Variants in TNKS observed in about 807,000 individuals in gnomAD.
TNKS encodes the protein tankyrase.
TNKS carries 72 observed loss-of-function variants against 135.8 expected under a neutral mutation model. That is an observed-to-expected ratio of 0.53 (90% confidence interval 0.44 to 0.64). The LOEUF (loss-of-function observed/expected upper bound fraction) is 0.64, where lower values mean the gene tolerates loss of function less well. Among genes scored for constraint, TNKS ranks in the 30% least tolerant of loss-of-function variants. The pLI is 0.00. For missense variants in TNKS, 1,769 were observed against 1,674.0 expected (o/e 1.06, Z -0.99); for synonymous variants, 849 against 649.3 (o/e 1.31, Z -4.68).
At chr8:9,623,721 G>C (rs949331776) in intron 3 of TNKS, among the ~76,000 whole-genome samples, 7 of 152,090 alleles carry the variant, frequency 4.6e-5, no homozygotes, top group African/African-American at 1.7e-4. Context: ...AACTTTCTGG[G>C]CTGGGTGCTG....
intron 3 of TNKS, among the ~76,000 whole-genome samples, chr8:9,667,509 A>T (rs1283257861): frequency 6.6e-6 from 1 of 152,232 alleles, no homozygotes; most frequent in African/African-American, 2.4e-5. Flanking sequence ...TAACCATATC[A>T]TCCTGAGGAA....
intron 15 of TNKS, among the ~76,000 whole-genome samples, chr8:9,733,827 C>G (rs1215159711): frequency 6.6e-6 from 1 of 151,990 alleles, no homozygotes; most frequent in African/African-American, 2.4e-5. Context: ...AACTCATTCA[C>G]TAGTAAACAT....
At position 9,776,985 on chromosome 8, in the gene TNKS, C is replaced by A. The variant is rs531468243; in HGVS notation, c.*249C>A. On this transcript the variant is annotated 3_prime_UTR_variant, in exon 27 of 27. Transcript: ENST00000310430. ...ACATATCTCAGGCTCATTTTCATTG[C>A]AATTATCCATTTCTAAAACAAGATT... 4.6e-5 allele frequency: 21 copies of A among 455,946 alleles called. No homozygotes were observed. Among genetic ancestry groups the A allele is most frequent in the Non-Finnish European group, 7.1e-5 (18 of 255,112 alleles). 28.2% of individuals were successfully genotyped at this position (455,946 alleles called of 1,614,324 possible).
chr8:9,758,146 T>A (rs534997483), intron 20 of TNKS, among the ~76,000 whole-genome samples: 1 of 152,350 alleles, frequency 6.6e-6, no homozygotes, highest in East Asian at 1.9e-4. Flanking sequence ...TATCTGTCAT[T>A]GTAAGGATTA....
In TNKS at chr8:9,580,402, T is replaced by TA; in HGVS notation, c.898+20dup. ...TGCATTGGTAAGTATCATTTGATGA[T>TA]ATCTAAATTTTAAATAAAGGTTTAT... On this transcript the variant is annotated intron_variant, in intron 2 of 26. Transcript: ENST00000310430. The TA allele has an allele frequency of 2.5e-6, 4 of 1,601,438 alleles. No homozygotes were observed. Among genetic ancestry groups the TA allele is most frequent in the Non-Finnish European group, 2.6e-6 (3 of 1,170,524 alleles).
intron 1 of TNKS, chr8:9,575,318 C>G (rs573570664): frequency 1.3e-5 from 11 of 837,056 alleles, no homozygotes; most frequent in Non-Finnish European, 1.6e-5. Flanking sequence ...ATTTCCTGAC[C>G]TCGTGATCCG....
intron 1 of TNKS, among the ~76,000 whole-genome samples, chr8:9,560,226 T>A (rs563724544): frequency 6.6e-6 from 1 of 152,222 alleles, no homozygotes; most frequent in South Asian, 2.1e-4. Context: ...TGAGGTCTTT[T>A]TTTTATTAAG....
intron 2 of TNKS, 104 bp downstream of exon 2, chr8:9,580,487 G>A: frequency 1.0e-6 from 1 of 998,034 alleles, no homozygotes; most frequent in Non-Finnish European, 1.4e-6. Flanking sequence ...AGGGTTTATT[G>A]CTTCTTGTAG....
intron 3 of TNKS, among the ~76,000 whole-genome samples, chr8:9,666,419 G>A (rs1007285207): frequency 2.0e-5 from 3 of 152,114 alleles, no homozygotes; most frequent in Non-Finnish European, 4.4e-5. Context: ...AATAAATTAC[G>A]TATTAAAAAG....
intron 2 of TNKS, among the ~76,000 whole-genome samples, chr8:9,604,551 A>C (rs1799147109): frequency 6.6e-6 from 1 of 151,922 alleles, no homozygotes; most frequent in Non-Finnish European, 1.5e-5. Flanking sequence ...AGTGTAGTTT[A>C]TGTACTATTA....
At chr8:9,729,762 TATG>T in intron 13 of TNKS, among the ~76,000 whole-genome samples, 1 of 141,874 alleles carries the variant, frequency 7.0e-6, no homozygotes, top group East Asian at 2.1e-4. Context: ...ACTGAAAGAA[TATG>T]ATATTCTTTT....
chr8:9,615,403 T>G (rs1316259149), intron 2 of TNKS, 179 bp from the exon 3 acceptor site: 3 of 464,082 alleles, frequency 6.5e-6, no homozygotes, highest in Non-Finnish European at 1.1e-5. Flanking sequence ...GCCAACTTCA[T>G]TTCACTCTAG....
At chr8:9,625,867 T>A (rs1800035828) in intron 3 of TNKS, among the ~76,000 whole-genome samples, 1 of 152,180 alleles carries the variant, frequency 6.6e-6, no homozygotes, top group Non-Finnish European at 1.5e-5. Context: ...GTGAAGAGAA[T>A]GTATTTTCTG....
intron 2 of TNKS, among the ~76,000 whole-genome samples, chr8:9,608,402 G>A (rs1799316773): frequency 6.6e-6 from 1 of 152,088 alleles, no homozygotes; most frequent in African/African-American, 2.4e-5. Flanking sequence ...TAACGTTGAT[G>A]CTAAGGTGCG....
chr8:9,574,736 C>A (rs1320607993), intron 1 of TNKS, among the ~76,000 whole-genome samples: 2 of 152,138 alleles, frequency 1.3e-5, no homozygotes, highest in African/African-American at 4.8e-5. Context: ...CTATGAAAGA[C>A]TTGATTTTTT....
At chr8:9,697,176 G>C (rs1803556831) in intron 5 of TNKS, among the ~76,000 whole-genome samples, 1 of 152,068 alleles carries the variant, frequency 6.6e-6, no homozygotes, top group Admixed American at 6.6e-5. Flanking sequence ...TCTTCCACAA[G>C]TCCAACGAAA....
intron 3 of TNKS, among the ~76,000 whole-genome samples, chr8:9,628,443 A>G (rs994956509): frequency 6.6e-6 from 1 of 151,946 alleles, no homozygotes; most frequent in East Asian, 1.9e-4. Context: ...TCTCAGCAGC[A>G]TTCAACAAAA....
Position 9,674,920 on chromosome 8 carries a change from T to C in TNKS, c.995-5031T>C, listed in dbSNP as rs1484788435. 2.0e-5 allele frequency among the ~76,000 whole-genome samples: 3 copies of C among 152,202 alleles called. No homozygotes were observed. In the East Asian group the frequency reaches 5.8e-4, roughly 29 times the overall value. Reference sequence around the variant, plus strand: ...GGTATGGACTTTGAAGCCAGTATCATAATGAGTAGAAATATCTGATGGGAT... The same window carrying C: ...GGTATGGACTTTGAAGCCAGTATCACAATGAGTAGAAATATCTGATGGGAT... On this transcript the variant is annotated intron_variant, in intron 3 of 26. Coordinates refer to ENST00000310430, the MANE Select transcript of TNKS (RefSeq NM_003747.3).
intron 20 of TNKS, among the ~76,000 whole-genome samples, chr8:9,753,567 T>C (rs60262467): frequency 0.076 from 11,557 of 152,290 alleles, 1,451 homozygotes; most frequent in African/African-American, 0.26. Flanking sequence ...TAATATTGTA[T>C]GCTTTCATTA....
Sources: allele counts gnomAD v4.1 joint callset (sites outside exome capture counted in the v4.1 genomes callset), GRCh38; gene constraint gnomAD v4.1.1; transcripts MANE v1.5; gene names NCBI Gene and HGNC (gene_info 2026-07-23, HGNC 2026-07-21).